Variants in ADAMTS19 observed in about 807,000 individuals in gnomAD.
The protein encoded by ADAMTS19 is ADAM metallopeptidase with thrombospondin type 1 motif 19, also known as A disintegrin and metalloproteinase with thrombospondin motifs 19.
A neutral mutation model predicts 153.3 loss-of-function variants in ADAMTS19; 93 were observed. The observed-to-expected ratio is 0.61, with a 90% CI of 0.51 to 0.72. ADAMTS19 has a LOEUF of 0.72. Ranked by LOEUF, ADAMTS19 falls within the 30% of genes least tolerant of loss-of-function variation. ADAMTS19 has a pLI of 0.00. For synonymous variants in ADAMTS19, 600 were observed against 556.6 expected (o/e 1.08, Z -1.10); for missense variants, 1,482 against 1,552.1 (o/e 0.95, Z 0.76).
At chr5:129,577,852 G>C (rs966906758) in intron 7 of ADAMTS19, among the ~76,000 whole-genome samples, 1 of 151,762 alleles carries the variant, frequency 6.6e-6, no homozygotes, top group African/African-American at 2.4e-5. Context: ...CTGGTAATTT[G>C]TATTTATCTC....
intron 2 of ADAMTS19, among the ~76,000 whole-genome samples, chr5:129,467,677 T>G (rs1028779857): frequency 1.3e-5 from 2 of 152,178 alleles, no homozygotes; most frequent in African/African-American, 4.8e-5. Context: ...TCATTTAAAA[T>G]CCTGGATTAT....
At chr5:129,467,057 G>T (rs910159089) in intron 2 of ADAMTS19, among the ~76,000 whole-genome samples, 2 of 151,934 alleles carry the variant, frequency 1.3e-5, no homozygotes, top group Non-Finnish European at 2.9e-5. Context: ...TTTGCACTCA[G>T]ATTTAATTAT....
chr5:129,612,373 G>A (rs1437208927), intron 8 of ADAMTS19, among the ~76,000 whole-genome samples: 1 of 151,668 alleles, frequency 6.6e-6, no homozygotes, highest in Non-Finnish European at 1.5e-5. Flanking sequence ...CCAGTCTATC[G>A]TTGTTGGACA....
chr5:129,658,347 AAGAAAGAAAGAAAGAAAGAAAGAG>A, intron 14 of ADAMTS19, among the ~76,000 whole-genome samples: 1 of 115,992 alleles, frequency 8.6e-6, no homozygotes, highest in Non-Finnish European at 1.8e-5. Flanking sequence ...GAAAGAAAGA[AAGAAAGAAAGAAAGAAAGAAAGAG>A]AGAGAGGAAG....
intron 2 of ADAMTS19, among the ~76,000 whole-genome samples, chr5:129,494,485 A>AC (rs1750864452): frequency 6.6e-6 from 1 of 152,162 alleles, no homozygotes. Flanking sequence ...TTCTCTGTCT[A>AC]CAGTCACTTG....
intron 6 of ADAMTS19, among the ~76,000 whole-genome samples, chr5:129,534,358 C>G (rs1476587600): frequency 6.6e-6 from 1 of 152,118 alleles, no homozygotes; most frequent in Non-Finnish European, 1.5e-5. Flanking sequence ...CATACACTCT[C>G]CCAAGACTAA....
In ADAMTS19 at chr5:129,557,049, G is replaced by A. The variant is rs142424719; in HGVS notation, c.1372+5142G>A. Among the ~76,000 whole-genome samples, 271 of 152,192 alleles carry A rather than the reference G, an allele frequency of 1.8e-3. 1 individual carries two copies. Among genetic ancestry groups the A allele is most frequent in the African/African-American group, 6.3e-3 (263 of 41,544 alleles). ...TTTAGAGAAAGAATAAAGAAACGTGGTGATTTCAAATCTTTAAACTGTGGT... is the reference window on the plus strand; with the variant it reads ...TTTAGAGAAAGAATAAAGAAACGTGATGATTTCAAATCTTTAAACTGTGGT... On this transcript the variant is annotated intron_variant, in intron 7 of 22. Coordinates refer to ENST00000274487, the MANE Select transcript of ADAMTS19 (RefSeq NM_133638.6).
intron 6 of ADAMTS19, among the ~76,000 whole-genome samples, chr5:129,544,994 A>G (rs2126806801): frequency 6.6e-6 from 1 of 152,248 alleles, no homozygotes; most frequent in South Asian, 2.1e-4. Context: ...TTACACCATG[A>G]GGCAACCACA....
intron 21 of ADAMTS19, among the ~76,000 whole-genome samples, chr5:129,709,744 A>G (rs9784732): frequency 1.3e-3 from 193 of 152,286 alleles, no homozygotes; most frequent in African/African-American, 4.4e-3. Context: ...ACAATACAAG[A>G]TTTATTACCT....
At chr5:129,531,009 G>A (rs1419956026) in intron 6 of ADAMTS19, among the ~76,000 whole-genome samples, 1 of 152,108 alleles carries the variant, frequency 6.6e-6, no homozygotes, top group East Asian at 1.9e-4. Context: ...ATATATACTG[G>A]AAGTGAACAA....
intron 8 of ADAMTS19, among the ~76,000 whole-genome samples, chr5:129,606,335 A>G (rs1750890986): frequency 6.6e-6 from 1 of 152,166 alleles, no homozygotes. Flanking sequence ...TGGCACCATT[A>G]TTGCTACAAG....
At chr5:129,513,409 T>A (rs75413249) in intron 3 of ADAMTS19, among the ~76,000 whole-genome samples, 1,976 of 151,932 alleles carry the variant, frequency 0.013, 39 homozygotes, top group African/African-American at 0.045. Context: ...GGTGGGAGGA[T>A]CATCTGTGCC....
intron 13 of ADAMTS19, among the ~76,000 whole-genome samples, chr5:129,652,594 G>A (rs3853513): frequency 0.086 from 13,151 of 152,162 alleles, 638 homozygotes; most frequent in African/African-American, 0.1. Context: ...CAGCCTTGAG[G>A]GTATACTCCA....
chr5:129,728,271 G>T (rs1183140030), intron 21 of ADAMTS19, among the ~76,000 whole-genome samples: 3 of 152,114 alleles, frequency 2.0e-5, no homozygotes, highest in African/African-American at 7.2e-5. Context: ...CTTTTGTTTA[G>T]CATATAATCA....
At chr5:129,513,941 C>T (rs1358588580) in intron 3 of ADAMTS19, among the ~76,000 whole-genome samples, 3 of 152,072 alleles carry the variant, frequency 2.0e-5, no homozygotes, top group African/African-American at 7.2e-5. Flanking sequence ...AAACTCCTCA[C>T]TACCTTTCCT....
intron 2 of ADAMTS19, among the ~76,000 whole-genome samples, chr5:129,481,976 C>A (rs932808141): frequency 2.0e-5 from 3 of 152,130 alleles, no homozygotes; most frequent in Non-Finnish European, 4.4e-5. Context: ...CCTTTCTGAG[C>A]TCCTTCCCTC....
chr5:129,691,209 T>C (rs1482477445), intron 18 of ADAMTS19, among the ~76,000 whole-genome samples: 2 of 152,192 alleles, frequency 1.3e-5, no homozygotes, highest in Non-Finnish European at 2.9e-5. Flanking sequence ...AAGTTACCCT[T>C]CATTTTCAGA....
At chr5:129,541,597 A>G (rs1238059763) in intron 6 of ADAMTS19, among the ~76,000 whole-genome samples, 4 of 152,052 alleles carry the variant, frequency 2.6e-5, no homozygotes, top group Admixed American at 2.6e-4. Context: ...ATTATTTAAT[A>G]TAACTCCCCA....
intron 19 of ADAMTS19, among the ~76,000 whole-genome samples, chr5:129,696,518 A>G (rs1344822858): frequency 6.6e-6 from 1 of 152,238 alleles, no homozygotes; most frequent in Non-Finnish European, 1.5e-5. Flanking sequence ...TGTATCTGAC[A>G]CAGGTCTCCA....
Sources: allele counts gnomAD v4.1 joint callset (sites outside exome capture counted in the v4.1 genomes callset), GRCh38; gene constraint gnomAD v4.1.1; transcripts MANE v1.5; gene names NCBI Gene and HGNC (gene_info 2026-07-23, HGNC 2026-07-21).